PLCB4: variants seen among roughly 807,000 people sequenced by gnomAD.
PLCB4 encodes the protein phospholipase C beta 4, also known as 1-phosphatidylinositol 4,5-bisphosphate phosphodiesterase beta-4.
PLCB4 carries 77 observed loss-of-function variants against 178.8 expected under a neutral mutation model. That is an observed-to-expected ratio of 0.43 (90% CI 0.36 to 0.52). The LOEUF is 0.52. Among genes scored for constraint, PLCB4 ranks in the 20% least tolerant of loss-of-function variants. The probability of loss-of-function intolerance (pLI) is 0.00; values close to 1 mark genes in which losing one functional copy is unlikely to be tolerated. For missense variants in PLCB4, 1,024 were observed against 1,453.4 expected, an observed-to-expected ratio of 0.70 and a Z score of 4.80; for synonymous variants, 496 against 490.8, an observed-to-expected ratio of 1.01 and a Z score of -0.14.
In PLCB4 at chr20:9,320,157, G is replaced by T. The variant is rs556886211; in HGVS notation, c.84+12259G>T. ...CAGATGCTGGTTAGCTATTTTTATG[G>T]TTATTTCTTGATCATATGCTAAACA... On this transcript the variant is annotated intron_variant, in intron 4 of 39. Coordinates refer to ENST00000378473, the MANE Select transcript of PLCB4 (RefSeq NM_001377142.1). 1.1e-4 allele frequency among the ~76,000 whole-genome samples: 16 copies of T among 152,266 alleles called. No homozygotes were observed. In the East Asian group the frequency reaches 2.9e-3, roughly 28 times the overall value.
intron 3 of PLCB4, among the ~76,000 whole-genome samples, chr20:9,303,694 T>A (rs755955926): frequency 6.6e-6 from 1 of 152,264 alleles, no homozygotes; most frequent in Non-Finnish European, 1.5e-5. Flanking sequence ...ATCTTTCCAG[T>A]AAATACCCAG....
intron 26 of PLCB4, 52 bp from the exon 27 acceptor site, chr20:9,421,245 C>T (rs1189504910): frequency 3.6e-6 from 5 of 1,401,806 alleles, no homozygotes; most frequent in Middle Eastern, 2.2e-4. Context: ...TTTTTTGCTA[C>T]TGATGCTTAC....
chr20:9,414,687 A>G (rs925853813), intron 25 of PLCB4, among the ~76,000 whole-genome samples: 4 of 152,154 alleles, frequency 2.6e-5, no homozygotes, highest in Admixed American at 6.5e-5. Flanking sequence ...TTGTGGGAGG[A>G]CGCACCACTG....
chr20:9,244,657 GAT>G (rs1221861190), intron 3 of PLCB4, among the ~76,000 whole-genome samples: 1 of 152,188 alleles, frequency 6.6e-6, no homozygotes, highest in East Asian at 1.9e-4. Flanking sequence ...TGTACTTGAT[GAT>G]CAGTTAAGTA....
intron 34 of PLCB4, 47 bp from the exon 35 acceptor site, chr20:9,459,588 C>G: frequency 2.1e-6 from 3 of 1,446,218 alleles, no homozygotes; most frequent in Non-Finnish European, 2.9e-6. Context: ...GGGTTCATAC[C>G]TGACCTATGA....
chr20:9,237,308 C>A (rs1367464951), intron 3 of PLCB4, among the ~76,000 whole-genome samples: 1 of 151,990 alleles, frequency 6.6e-6, no homozygotes, highest in Non-Finnish European at 1.5e-5. Flanking sequence ...CCAACCCACA[C>A]CCCCATATAT....
chr20:9,456,925 A>C (rs1602950810), intron 33 of PLCB4, among the ~76,000 whole-genome samples: 1 of 152,178 alleles, frequency 6.6e-6, no homozygotes, highest in South Asian at 2.1e-4. Context: ...CCTAGCATAT[A>C]TTTCCTACTC....
rs369556766 is a variant in PLCB4 at position 9,285,097 on chromosome 20, G to T, written c.-15-22703G>T. 1.4e-3 allele frequency among the ~76,000 whole-genome samples: 204 copies of T among 150,554 alleles called. 1 individual carries two copies. The highest frequency in any genetic ancestry group is 4.7e-3 in the African/African-American group (194 of 41,000). ...TGCAAAGAAAACCATCAAAAAACAAGGAACTTTCTGTGTAAGTGTGCTAGG... is the reference window on the plus strand; with the variant it reads ...TGCAAAGAAAACCATCAAAAAACAATGAACTTTCTGTGTAAGTGTGCTAGG... On this transcript the variant is annotated intron_variant, in intron 3 of 39. Transcript: ENST00000378473.
intron 6 of PLCB4, 64 bp downstream of exon 6, chr20:9,338,131 T>G (rs1486138493): frequency 1.8e-6 from 2 of 1,088,574 alleles, no homozygotes; most frequent in African/African-American, 1.5e-5. Flanking sequence ...TGGCCATGGC[T>G]TCTAGAGATA....
intron 2 of PLCB4, among the ~76,000 whole-genome samples, chr20:9,119,855 GTTGCC>G (rs1478680102): frequency 6.6e-6 from 1 of 152,186 alleles, no homozygotes; most frequent in Non-Finnish European, 1.5e-5. Flanking sequence ...AAACCACGCT[GTTGCC>G]TTAGGCAGTG....
At chr20:9,201,084 C>T (rs866617454) in intron 2 of PLCB4, among the ~76,000 whole-genome samples, 62 of 152,106 alleles carry the variant, frequency 4.1e-4, no homozygotes, top group African/African-American at 1.4e-3. Context: ...AAAGTACAAA[C>T]AGTAACAGAA....
chr20:9,472,480 A>G (rs2044257909), intron 36 of PLCB4, among the ~76,000 whole-genome samples: 1 of 152,218 alleles, frequency 6.6e-6, no homozygotes, highest in Admixed American at 6.5e-5. Flanking sequence ...GGAGAGAGGA[A>G]TAAGGAAAAC....
At chr20:9,468,705 G>A (rs1336403236) in intron 36 of PLCB4, 33 bp downstream of exon 36, 4 of 1,220,720 alleles carry the variant, frequency 3.3e-6, no homozygotes, top group Admixed American at 1.7e-5. Flanking sequence ...CAGGAATATG[G>A]CATTGACTTG....
intron 1 of PLCB4, among the ~76,000 whole-genome samples, chr20:9,089,937 T>C (rs890379862): frequency 1.3e-5 from 2 of 152,194 alleles, no homozygotes; most frequent in African/African-American, 4.8e-5. Flanking sequence ...GCTTTTGTCC[T>C]ACTTTTCAAG....
chr20:9,080,583 G>A (rs1294622325), intron 1 of PLCB4, among the ~76,000 whole-genome samples: 3 of 152,122 alleles, frequency 2.0e-5, no homozygotes, highest in Non-Finnish European at 4.4e-5. Context: ...TCATAGATTA[G>A]AGGCAGAGCT....
At chr20:9,215,755 T>C (rs2093723690) in intron 2 of PLCB4, among the ~76,000 whole-genome samples, 2 of 152,224 alleles carry the variant, frequency 1.3e-5, no homozygotes, top group African/African-American at 4.8e-5. Context: ...TAGAGGGAGC[T>C]AGAGGTAGCC....
At chr20:9,420,787 A>G (rs570916466) in intron 26 of PLCB4, among the ~76,000 whole-genome samples, 21 of 152,368 alleles carry the variant, frequency 1.4e-4, no homozygotes, top group Non-Finnish European at 2.6e-4. Flanking sequence ...CCATAGCTTT[A>G]TCGTAGATAG....
chr20:9,406,362 A>G (rs1412823050), intron 21 of PLCB4, among the ~76,000 whole-genome samples: 1 of 152,204 alleles, frequency 6.6e-6, no homozygotes, highest in Non-Finnish European at 1.5e-5. Context: ...CATTAAGAAA[A>G]TGATAAAAAC....
intron 7 of PLCB4, among the ~76,000 whole-genome samples, chr20:9,355,219 T>G (rs2034690471): frequency 6.6e-6 from 1 of 152,198 alleles, no homozygotes; most frequent in Non-Finnish European, 1.5e-5. Flanking sequence ...TAATGCCAAC[T>G]AAACCTTCTC....
Sources: gnomAD v4.1 joint callset for allele counts (sites outside exome capture counted in the v4.1 genomes callset) on GRCh38, gnomAD v4.1.1 for gene constraint, MANE v1.5 for transcripts, NCBI Gene and HGNC (gene_info 2026-07-23, HGNC 2026-07-21) for gene names.